CCBE1: variants seen among roughly 807,000 people sequenced by gnomAD.
CCBE1 encodes collagen and calcium binding EGF domains 1, also known as collagen and calcium-binding EGF domain-containing protein 1.
A neutral mutation model predicts 50.0 loss-of-function variants in CCBE1; 37 were observed. The observed-to-expected ratio is 0.74, with a 90% confidence interval of 0.57 to 0.97. CCBE1 has a LOEUF of 0.97. Ranked by LOEUF, CCBE1 falls within the 50% of genes least tolerant of loss-of-function variation. CCBE1 has a pLI of 0.00. For synonymous variants in CCBE1, 234 were observed against 203.7 expected (o/e 1.15, Z -1.27); for missense variants, 538 against 523.8 (o/e 1.03, Z -0.26).
chr18:59,496,375 GA>G (rs944701522), intron 2 of CCBE1, among the ~76,000 whole-genome samples: 5 of 152,116 alleles, frequency 3.3e-5, no homozygotes, highest in Admixed American at 2.0e-4. Context: ...CTCTCCTTGG[GA>G]AGAACCTATC....
At chr18:59,639,796 G>T (rs1030663311) in intron 2 of CCBE1, among the ~76,000 whole-genome samples, 16 of 152,074 alleles carry the variant, frequency 1.1e-4, no homozygotes, top group African/African-American at 3.9e-4. Context: ...AAAGTTTCAG[G>T]ATAGAAAAAA....
intron 2 of CCBE1, among the ~76,000 whole-genome samples, chr18:59,600,246 C>G (rs567559974): frequency 1.8e-4 from 27 of 152,058 alleles, no homozygotes; most frequent in African/African-American, 5.5e-4. Flanking sequence ...GGCTAACTCT[C>G]TTGTGAGCTG....
chr18:59,449,552 G>A (rs1162261763), intron 6 of CCBE1, among the ~76,000 whole-genome samples: 1 of 149,410 alleles, frequency 6.7e-6, no homozygotes, highest in Non-Finnish European at 1.5e-5. Context: ...GACCCAGGAA[G>A]TGGAGGTTGC....
intron 2 of CCBE1, among the ~76,000 whole-genome samples, chr18:59,601,586 C>G (rs1202027087): frequency 6.6e-6 from 1 of 152,132 alleles, no homozygotes; most frequent in Non-Finnish European, 1.5e-5. Flanking sequence ...AATGAATACA[C>G]GGGGTTTCAC....
At chr18:59,650,459 G>A (rs1473135454) in intron 2 of CCBE1, among the ~76,000 whole-genome samples, 2 of 151,536 alleles carry the variant, frequency 1.3e-5, no homozygotes, top group Non-Finnish European at 2.9e-5. Context: ...AACTCCCAAC[G>A]TGACTGGGTT....
intron 2 of CCBE1, among the ~76,000 whole-genome samples, chr18:59,625,845 G>A (rs1262927927): frequency 2.6e-5 from 4 of 152,168 alleles, no homozygotes; most frequent in African/African-American, 9.7e-5. Context: ...CATCATGAAT[G>A]ATTAGTAACT....
intron 2 of CCBE1, among the ~76,000 whole-genome samples, chr18:59,501,845 C>T (rs112078601): frequency 4.5e-4 from 69 of 152,258 alleles, no homozygotes; most frequent in African/African-American, 1.5e-3. Context: ...CTCACTCTGT[C>T]GCCCAGGCTG....
At chr18:59,620,170 C>T (rs1289054861) in intron 2 of CCBE1, among the ~76,000 whole-genome samples, 1 of 152,142 alleles carries the variant, frequency 6.6e-6, no homozygotes, top group Admixed American at 6.5e-5. Context: ...GACTCCAGGC[C>T]CCTTAGAGCA....
intron 2 of CCBE1, among the ~76,000 whole-genome samples, chr18:59,551,025 A>T: frequency 8.7e-6 from 1 of 114,868 alleles, no homozygotes; most frequent in Admixed American, 9.6e-5. Context: ...AAAAAAAAAA[A>T]AAAAGAAAAG....
chr18:59,476,975 G>T (rs1416984293), intron 3 of CCBE1, among the ~76,000 whole-genome samples: 2 of 152,170 alleles, frequency 1.3e-5, no homozygotes, highest in Non-Finnish European at 2.9e-5. Context: ...TTTGCTTCCT[G>T]TTCCTATAAC....
intron 2 of CCBE1, among the ~76,000 whole-genome samples, chr18:59,618,819 T>C (rs570030786): frequency 6.7e-6 from 1 of 149,970 alleles, no homozygotes; most frequent in African/African-American, 2.4e-5. Context: ...GAATTTATTA[T>C]GTACATCTGT....
rs185329132 is a variant in CCBE1, at chr18:59,598,279, C to A, written c.212+98350G>T. On this transcript the variant is annotated intron_variant, in intron 2 of 10. Coordinates refer to ENST00000439986, the MANE Select transcript of CCBE1 (RefSeq NM_133459.4). ...CCAAAATGTCCCTTCACCCCAGAATCACCCCACCTCTGTTGTGATACAGAA... is the reference window on the plus strand; with the variant it reads ...CCAAAATGTCCCTTCACCCCAGAATAACCCCACCTCTGTTGTGATACAGAA... Among the ~76,000 whole-genome samples the A allele has an allele frequency of 2.6e-5, 4 of 152,308 alleles. No individual in the cohort carries two copies. In the East Asian group the frequency reaches 7.7e-4, roughly 29 times the overall value.
chr18:59,680,398 C>T (rs1026748002), intron 2 of CCBE1, among the ~76,000 whole-genome samples: 1 of 151,794 alleles, frequency 6.6e-6, no homozygotes, highest in African/African-American at 2.4e-5. Flanking sequence ...CCTTTGACAA[C>T]GCATGTAAAG....
chr18:59,462,439 G>A (rs1911530926), intron 5 of CCBE1: 1 of 152,028 alleles, frequency 6.6e-6, no homozygotes, highest in South Asian at 2.1e-4. Context: ...AGGGTGGAGT[G>A]CAGTGGTGCA....
chr18:59,547,908 C>T (rs907784740), intron 2 of CCBE1, among the ~76,000 whole-genome samples: 2 of 152,138 alleles, frequency 1.3e-5, no homozygotes, highest in Non-Finnish European at 2.9e-5. Flanking sequence ...TGCAACCTGA[C>T]CGAAATAAGA....
At chr18:59,502,246 C>T (rs1174134736) in intron 2 of CCBE1, among the ~76,000 whole-genome samples, 2 of 152,344 alleles carry the variant, frequency 1.3e-5, no homozygotes, top group East Asian at 3.9e-4. Context: ...CGAGCCCAGG[C>T]CTGCACAATG....
At chr18:59,660,318 A>G (rs1057412650) in intron 2 of CCBE1, among the ~76,000 whole-genome samples, 7 of 152,224 alleles carry the variant, frequency 4.6e-5, no homozygotes, top group African/African-American at 9.6e-5. Context: ...TGTAAGTTTT[A>G]AGATTTAAAT....
chr18:59,636,039 G>C (rs1430210139), intron 2 of CCBE1, among the ~76,000 whole-genome samples: 2 of 152,028 alleles, frequency 1.3e-5, no homozygotes, highest in Non-Finnish European at 2.9e-5. Context: ...TGTAGTCCCA[G>C]CTACTCAGAA....
rs537546984 is a variant in CCBE1, at chr18:59,577,429, C to A, written c.213-97191G>T. 2.6e-5 allele frequency among the ~76,000 whole-genome samples: 4 copies of A among 152,322 alleles called. No homozygotes were observed. In the South Asian group the frequency reaches 8.3e-4, roughly 32 times the overall value. The stretch of plus-strand genomic sequence containing the variant: ...AGACACAAGGGACTAGCTTAAGCTG[C>A]CCCTGATTGATGGCACTTCTGCTAT... On this transcript the variant is annotated intron_variant, in intron 2 of 10. Coordinates refer to ENST00000439986, the MANE Select transcript of CCBE1 (RefSeq NM_133459.4).
Sources: allele counts gnomAD v4.1 joint callset (sites outside exome capture counted in the v4.1 genomes callset), GRCh38; gene constraint gnomAD v4.1.1; transcripts MANE v1.5; gene names NCBI Gene and HGNC (gene_info 2026-07-23, HGNC 2026-07-21).